Variants in TTLL5 observed in about 807,000 individuals in gnomAD.
The protein encoded by TTLL5 is tubulin polyglutamylase TTLL5.
A neutral mutation model predicts 168.4 loss-of-function variants in TTLL5; 132 were observed. The ratio of observed to expected loss-of-function variants is 0.78; its 90% CI spans 0.68 to 0.91. The LOEUF (loss-of-function observed/expected upper bound fraction) is 0.91, where lower values mean the gene tolerates loss of function less well. Among genes scored for constraint, TTLL5 ranks in the 40% least tolerant of loss-of-function variants. The probability of loss-of-function intolerance (pLI) is 0.00; values close to 1 mark genes in which losing one functional copy is unlikely to be tolerated. For missense variants in TTLL5, 1,545 were observed against 1,581.5 expected, an observed-to-expected ratio of 0.98 and a Z score of 0.39; for synonymous variants, 546 against 558.6, an observed-to-expected ratio of 0.98 and a Z score of 0.32.
chr14:75,809,944 AT>A (rs934894251), intron 27 of TTLL5, among the ~76,000 whole-genome samples: 2 of 151,890 alleles, frequency 1.3e-5, no homozygotes, highest in Non-Finnish European at 2.9e-5. Flanking sequence ...TATATGTCAC[AT>A]TTTTTTTAAT....
chr14:75,672,184 C>T (rs1883801206), intron 3 of TTLL5, among the ~76,000 whole-genome samples: 3 of 152,176 alleles, frequency 2.0e-5, no homozygotes, highest in Non-Finnish European at 4.4e-5. Flanking sequence ...TTGAACCTCC[C>T]TTATATTCCT....
intron 15 of TTLL5, 76 bp from the exon 16 acceptor site, chr14:75,745,019 G>T (rs1296397874): frequency 1.8e-6 from 2 of 1,130,262 alleles, no homozygotes; most frequent in African/African-American, 3.2e-5. Context: ...TGATGTTGAG[G>T]GAATGAACAG....
At chr14:75,735,856 C>T (rs1888863946) in intron 15 of TTLL5, among the ~76,000 whole-genome samples, 1 of 152,176 alleles carries the variant, frequency 6.6e-6, no homozygotes, top group South Asian at 2.1e-4. Flanking sequence ...TTAAACCAAT[C>T]AGCTGATCCT....
intron 3 of TTLL5, among the ~76,000 whole-genome samples, chr14:75,671,989 A>ATAC (rs1308106104): frequency 1.3e-5 from 2 of 152,194 alleles, no homozygotes; most frequent in African/African-American, 4.8e-5. Flanking sequence ...ATTGCGTATG[A>ATAC]TACTAGCTGT....
intron 17 of TTLL5, among the ~76,000 whole-genome samples, chr14:75,751,236 T>A (rs970080109): frequency 1.3e-5 from 2 of 152,232 alleles, no homozygotes; most frequent in African/African-American, 4.8e-5. Context: ...TAGCATGAAT[T>A]TCTTTCTTCT....
rs945937248 is a variant in TTLL5, at chr14:75,954,430, C to T, written c.3830C>T (p.Ala1277Val). The T allele has an allele frequency of 6.2e-7, 1 of 1,614,048 alleles. No individual in the cohort carries two copies. The highest frequency in any genetic ancestry group is 1.7e-5 in the Admixed American group (1 of 60,002). Residue 1277 changes from alanine (A) to valine (V), a missense_variant, in exon 32 of 32, where the codon GCT (alanine) becomes GTT (valine). Transcript: ENST00000298832. ...FVPITSSTDP[A>V]HTKI ...TTGCCTTTCTCTTTTTCAGATCCTG[C>T]TCACACTAAAATATGAACCACAAAC...
intron 28 of TTLL5, among the ~76,000 whole-genome samples, chr14:75,840,891 C>T (rs536007282): frequency 6.6e-6 from 1 of 152,256 alleles, no homozygotes; most frequent in East Asian, 1.9e-4. Flanking sequence ...TTTATTGGCT[C>T]ACAGTTCTGT....
At chr14:75,921,540 T>C (rs1194568239) in intron 31 of TTLL5, among the ~76,000 whole-genome samples, 1 of 152,184 alleles carries the variant, frequency 6.6e-6, no homozygotes. Flanking sequence ...GTTGTAGATG[T>C]GTTCTGTTAT....
At chr14:75,887,795 T>C (rs1018677876) in intron 30 of TTLL5, among the ~76,000 whole-genome samples, 3 of 152,204 alleles carry the variant, frequency 2.0e-5, no homozygotes, top group Admixed American at 1.3e-4. Context: ...TGTATGCACT[T>C]AGGAACTCAC....
intron 31 of TTLL5, among the ~76,000 whole-genome samples, chr14:75,933,976 G>T (rs4899576): frequency 0.77 from 117,428 of 152,088 alleles, 45,436 homozygotes; most frequent in Admixed American, 0.83. Flanking sequence ...TGGGCTTTGA[G>T]CCTCCACAAC....
intron 31 of TTLL5, chr14:75,930,733 A>G (rs2034249866): frequency 1.4e-6 from 1 of 691,476 alleles, no homozygotes; most frequent in Non-Finnish European, 1.8e-6. Context: ...TTCACCTGGT[A>G]TAAATATTGA....
intron 31 of TTLL5, among the ~76,000 whole-genome samples, chr14:75,943,493 A>G (rs1226801857): frequency 6.6e-6 from 1 of 152,142 alleles, no homozygotes; most frequent in Non-Finnish European, 1.5e-5. Context: ...CACAAGCTGG[A>G]CCCCTTGTAA....
intron 3 of TTLL5, among the ~76,000 whole-genome samples, chr14:75,673,435 G>C (rs184911014): frequency 6.6e-6 from 1 of 152,196 alleles, no homozygotes; most frequent in Admixed American, 6.5e-5. Flanking sequence ...GGACTGTCTT[G>C]TGGTATGGTG....
At chr14:75,887,851 A>G (rs974426486) in intron 30 of TTLL5, among the ~76,000 whole-genome samples, 7 of 152,248 alleles carry the variant, frequency 4.6e-5, no homozygotes, top group African/African-American at 1.7e-4. Flanking sequence ...TGACCAGGAA[A>G]TACTGAAAAT....
Position 75,783,339 on chromosome 14 carries a change from C to G in TTLL5, c.2795C>G (p.Pro932Arg). The change falls in exon 26 of 32, where the codon CCA becomes CGA. Residue 932 changes from proline to arginine, a missense_variant. Coordinates refer to ENST00000298832, the MANE Select transcript of TTLL5 (RefSeq NM_015072.5). The stretch of plus-strand genomic sequence containing the variant: ...GCTATCCCCAGCATGCCTCACCAGC[C>G]AACAATTTTACTGAACACAGTCTCT... ...PSAIPSMPHQ[P>R]TILLNTVSAS... 1.2e-6 allele frequency: 2 copies of G among 1,614,148 alleles called. No individual in the cohort carries two copies. Among genetic ancestry groups the G allele is most frequent in the Non-Finnish European group, 1.7e-6 (2 of 1,180,018 alleles).
At chr14:75,739,066 C>T (rs1237928253) in intron 15 of TTLL5, among the ~76,000 whole-genome samples, 2 of 152,128 alleles carry the variant, frequency 1.3e-5, no homozygotes, top group Non-Finnish European at 2.9e-5. Flanking sequence ...CTCGGCCCTC[C>T]CAAAGTGCTG....
chr14:75,863,538 C>T (rs1363625739), intron 28 of TTLL5, 129 bp from the exon 29 acceptor site: 84 of 889,136 alleles, frequency 9.4e-5, no homozygotes, highest in Non-Finnish European at 3.4e-6. Flanking sequence ...TAATATCACA[C>T]AAGTAGATTT....
chr14:75,938,192 G>A (rs1053134840), intron 31 of TTLL5, among the ~76,000 whole-genome samples: 4 of 152,208 alleles, frequency 2.6e-5, no homozygotes, highest in African/African-American at 7.2e-5. Flanking sequence ...GTCAAGTTTC[G>A]ATGATGACTG....
intron 29 of TTLL5, among the ~76,000 whole-genome samples, chr14:75,872,735 C>T (rs1270324548): frequency 6.6e-6 from 1 of 151,860 alleles, no homozygotes; most frequent in East Asian, 2.0e-4. Context: ...CGTGGAGAAA[C>T]CCCATCTCTA....
Sources: gnomAD v4.1 joint callset for allele counts (sites outside exome capture counted in the v4.1 genomes callset) on GRCh38, gnomAD v4.1.1 for gene constraint, MANE v1.5 for transcripts, NCBI Gene and HGNC (gene_info 2026-07-23, HGNC 2026-07-21) for gene names.